TBC1D22A: variants seen among roughly 807,000 people sequenced by gnomAD.
The protein encoded by TBC1D22A is putative GTPase activator.
TBC1D22A carries 38 observed loss-of-function variants against 60.2 expected under a neutral mutation model. That is an observed-to-expected ratio of 0.63 (90% CI 0.49 to 0.83). TBC1D22A has a LOEUF of 0.83. TBC1D22A is among the 40% of genes least tolerant of loss of function. TBC1D22A has a pLI of 0.00. For synonymous variants in TBC1D22A, 302 were observed against 281.7 expected, an observed-to-expected ratio of 1.07 and a Z score of -0.72; for missense variants, 628 against 701.0, an observed-to-expected ratio of 0.90 and a Z score of 1.18.
chr22:47,054,636 A>G (rs1243018673), intron 11 of TBC1D22A, among the ~76,000 whole-genome samples: 1 of 152,098 alleles, frequency 6.6e-6, no homozygotes, highest in Non-Finnish European at 1.5e-5. Context: ...AATCCTGGGC[A>G]CTCATTTCCC....
At chr22:46,925,623 A>G (rs749862044) in intron 8 of TBC1D22A, among the ~76,000 whole-genome samples, 1 of 152,226 alleles carries the variant, frequency 6.6e-6, no homozygotes, top group Non-Finnish European at 1.5e-5. Context: ...TCTTTTCCAT[A>G]GTAGCTATTA....
At chr22:46,994,078 A>G (rs1389427609) in intron 9 of TBC1D22A, among the ~76,000 whole-genome samples, 2 of 152,220 alleles carry the variant, frequency 1.3e-5, no homozygotes, top group Non-Finnish European at 2.9e-5. Flanking sequence ...TTTCTCTTTC[A>G]AAATGCAGAC....
At chr22:47,040,952 C>T (rs534909936) in intron 11 of TBC1D22A, among the ~76,000 whole-genome samples, 3 of 152,208 alleles carry the variant, frequency 2.0e-5, no homozygotes, top group South Asian at 2.1e-4. Flanking sequence ...TTCAGGGCTG[C>T]GGGTACACCT....
chr22:46,908,408 G>A (rs762178623), intron 7 of TBC1D22A, among the ~76,000 whole-genome samples: 13 of 152,164 alleles, frequency 8.5e-5, no homozygotes, highest in African/African-American at 1.4e-4. Flanking sequence ...AGTGTCACAC[G>A]CCTCCACGGG....
chr22:47,044,229 GC>G (rs1168251422), intron 11 of TBC1D22A, among the ~76,000 whole-genome samples: 1 of 152,178 alleles, frequency 6.6e-6, no homozygotes, highest in Admixed American at 6.5e-5. Flanking sequence ...CCTCCCTCTG[GC>G]CCCTTTTGCT....
chr22:46,879,230 T>C (rs1005421844), intron 5 of TBC1D22A, among the ~76,000 whole-genome samples: 1 of 151,142 alleles, frequency 6.6e-6, no homozygotes, highest in Non-Finnish European at 1.5e-5. Flanking sequence ...GTTTCTGTGG[T>C]GGAGTGTGGA....
chr22:47,077,507 C>T (rs1385957131), intron 11 of TBC1D22A, among the ~76,000 whole-genome samples: 7 of 152,208 alleles, frequency 4.6e-5, no homozygotes, highest in Admixed American at 2.6e-4. Context: ...CTTATTGCTT[C>T]GGTTCTGCTG....
At chr22:46,941,691 C>T (rs1357702944) in intron 8 of TBC1D22A, among the ~76,000 whole-genome samples, 1,489 of 61,394 alleles carry the variant, frequency 0.024, 45 homozygotes, top group Admixed American at 0.03. Flanking sequence ...AATATATATA[C>T]GCGGATTATA....
At chr22:46,862,282 A>G (rs2087935585) in intron 4 of TBC1D22A, among the ~76,000 whole-genome samples, 1 of 152,140 alleles carries the variant, frequency 6.6e-6, no homozygotes, top group Middle Eastern at 3.2e-3. Context: ...ACTGGCCCTC[A>G]CGAAGTGGGT....
chr22:47,157,656 T>C (rs1484685557), intron 12 of TBC1D22A, among the ~76,000 whole-genome samples: 5 of 152,238 alleles, frequency 3.3e-5, no homozygotes, highest in South Asian at 2.1e-4. Flanking sequence ...GCAGTTGCCC[T>C]TTCCGGTTCT....
intron 8 of TBC1D22A, among the ~76,000 whole-genome samples, 180 bp from the exon 9 acceptor site, chr22:46,974,110 T>G (rs2074189158): frequency 6.6e-6 from 1 of 152,208 alleles, no homozygotes; most frequent in African/African-American, 2.4e-5. Context: ...AATTAGGTGT[T>G]AAGATTGAGA....
chr22:46,911,352 G>T (rs2069905131), intron 7 of TBC1D22A, among the ~76,000 whole-genome samples: 1 of 152,152 alleles, frequency 6.6e-6, no homozygotes, highest in Non-Finnish European at 1.5e-5. Context: ...GAGGTTTAAA[G>T]AAATCTGTTT....
At chr22:47,087,998 G>A (rs183273470) in intron 11 of TBC1D22A, among the ~76,000 whole-genome samples, 141 of 152,106 alleles carry the variant, frequency 9.3e-4, no homozygotes, top group African/African-American at 3.1e-3. Context: ...GCGAGAACCC[G>A]GGAGGCAGAG....
chr22:46,976,078 C>T (rs1452186226), intron 9 of TBC1D22A, among the ~76,000 whole-genome samples: 2 of 152,194 alleles, frequency 1.3e-5, no homozygotes, highest in Admixed American at 6.5e-5. Flanking sequence ...AGGATTGAAT[C>T]ATAATGTAAA....
At chr22:47,018,875 C>T (rs2061988762) in intron 10 of TBC1D22A, among the ~76,000 whole-genome samples, 2 of 150,244 alleles carry the variant, frequency 1.3e-5, no homozygotes, top group South Asian at 2.1e-4. Context: ...TGGAGGAATT[C>T]AGTATGTGGC....
intron 1 of TBC1D22A, among the ~76,000 whole-genome samples, chr22:46,791,909 T>TACC (rs2084426504): frequency 6.6e-6 from 1 of 152,122 alleles, no homozygotes; most frequent in Non-Finnish European, 1.5e-5. Flanking sequence ...TACAGGCATG[T>TACC]ACCACCATGC....
At chr22:46,838,247 A>G (rs1207497025) in intron 4 of TBC1D22A, among the ~76,000 whole-genome samples, 1 of 152,200 alleles carries the variant, frequency 6.6e-6, no homozygotes, top group Non-Finnish European at 1.5e-5. Flanking sequence ...TTTTAAGGAG[A>G]TAAAATTGAC....
intron 12 of TBC1D22A, among the ~76,000 whole-genome samples, chr22:47,129,494 C>A (rs1420371194): frequency 6.6e-6 from 1 of 152,124 alleles, no homozygotes; most frequent in Non-Finnish European, 1.5e-5. Context: ...AACAAAAAAA[C>A]AAAAAACCGT....
At chr22:46,907,026 C>T (rs935236162) in intron 7 of TBC1D22A, among the ~76,000 whole-genome samples, 10 of 151,702 alleles carry the variant, frequency 6.6e-5, no homozygotes, top group African/African-American at 2.2e-4. Context: ...GTGCACGCTT[C>T]GTATGTGTGT....
Sources: allele counts gnomAD v4.1 joint callset (sites outside exome capture counted in the v4.1 genomes callset), GRCh38; gene constraint gnomAD v4.1.1; transcripts MANE v1.5; gene names NCBI Gene and HGNC (gene_info 2026-07-23, HGNC 2026-07-21).